Variants in ANAPC16 observed in about 807,000 individuals in gnomAD.
The protein encoded by ANAPC16 is anaphase promoting complex subunit 16, also known as anaphase-promoting complex subunit 16.
ANAPC16 carries 6 observed loss-of-function variants against 13.1 expected under a neutral mutation model. The observed-to-expected ratio is 0.46, with a 90% CI of 0.25 to 0.90. The LOEUF (loss-of-function observed/expected upper bound fraction) is 0.90, where lower values mean the gene tolerates loss of function less well. Among genes scored for constraint, ANAPC16 ranks in the 40% least tolerant of loss-of-function variants. The pLI is 0.18. For missense variants in ANAPC16, 113 were observed against 131.1 expected (o/e 0.86, Z 0.67); for synonymous variants, 55 against 51.3 (o/e 1.07, Z -0.31).
At chr10:72,221,344 C>A (rs1304566121) in intron 1 of ANAPC16, among the ~76,000 whole-genome samples, 1 of 151,998 alleles carries the variant, frequency 6.6e-6, no homozygotes, top group African/African-American at 2.4e-5. Context: ...TTATCCATTA[C>A]AACAGCCAAT....
At chr10:72,216,894 G>T (rs1033664202) in intron 1 of ANAPC16, 4 of 456,114 alleles carry the variant, frequency 8.8e-6, no homozygotes, top group South Asian at 3.1e-5. Flanking sequence ...ACCTCCGGTG[G>T]GCCTGGCAAA....
chr10:72,218,034 A>C (rs890630116), intron 1 of ANAPC16, among the ~76,000 whole-genome samples: 1 of 150,926 alleles, frequency 6.6e-6, no homozygotes, highest in African/African-American at 2.4e-5. Flanking sequence ...CCCATTTTGC[A>C]GATAAGACAA....
At chr10:72,217,456 CAG>C (rs1311241213) in intron 1 of ANAPC16, among the ~76,000 whole-genome samples, 4 of 141,492 alleles carry the variant, frequency 2.8e-5, no homozygotes, top group African/African-American at 1.1e-4. Flanking sequence ...GCCTGGGTGA[CAG>C]CGAGAATCCG....
In ANAPC16 at chr10:72,218,160, AAAAAAATATATATATATATATATAT is replaced by A. The variant is rs1272751446; in HGVS notation, c.-28+2024_-28+2048del. On this transcript the variant is annotated intron_variant, in intron 1 of 3. Transcript: ENST00000299381. ...AACTCTGTCTCAAAAAAAAAAAAAA[AAAAAAATATATATATATATATATAT>A]ATATATATATATATATATATATATA... Among the ~76,000 whole-genome samples the A allele has an allele frequency of 9.4e-4, 37 of 39,164 alleles. 2 individuals carry two copies. The highest frequency in any genetic ancestry group is 1.2e-3 in the Non-Finnish European group (26 of 22,322). 25.7% of individuals were successfully genotyped at this position (39,164 alleles called of 152,430 possible).
At chr10:72,216,960 C>G (rs1859462710) in intron 1 of ANAPC16, 1 of 455,984 alleles carries the variant, frequency 2.2e-6, no homozygotes, top group Non-Finnish European at 4.4e-6. Context: ...GAAAAAAATC[C>G]ATAATGATCC....
At chr10:72,219,914 C>A (rs1485936447) in intron 1 of ANAPC16, 1 of 152,124 alleles carries the variant, frequency 6.6e-6, no homozygotes, top group Non-Finnish European at 1.5e-5. Flanking sequence ...ATCTTCATCA[C>A]AAAATTAAGC....
chr10:72,232,666 C>T (rs761425492), intron 3 of ANAPC16, among the ~76,000 whole-genome samples: 13 of 149,534 alleles, frequency 8.7e-5, no homozygotes, highest in Non-Finnish European at 1.9e-4. Context: ...TGCAGTGGCA[C>T]GATCTCGGCT....
chr10:72,226,396 A>C (rs1189532157), intron 2 of ANAPC16, among the ~76,000 whole-genome samples: 2 of 152,080 alleles, frequency 1.3e-5, no homozygotes, highest in Non-Finnish European at 2.9e-5. Context: ...ACTATAGGCC[A>C]GGCATAGTGA....
chr10:72,233,060 G>A lies in ANAPC16; in HGVS notation c.277G>A (p.Glu93Lys), dbSNP rs373225911. Reference protein sequence around the residue: ...AGLVEELEADEWRFKPIEQLL... With the variant: ...AGLVEELEADKWRFKPIEQLL... ...TTTGGTAGAAGAGCTGGAGGCTGACGAGTGGCGGTTTAAGCCCATCGAGCA... is the reference window on the plus strand; with the variant it reads ...TTTGGTAGAAGAGCTGGAGGCTGACAAGTGGCGGTTTAAGCCCATCGAGCA... The change falls in exon 4 of 4, where the codon GAG (glutamate) becomes AAG (lysine). Residue 93 changes from glutamate (E) to lysine (K), a missense_variant. Transcript: ENST00000299381. 18 of 1,614,116 alleles carry A rather than the reference G, an allele frequency of 1.1e-5. No homozygotes were observed. Among genetic ancestry groups the A allele is most frequent in the Non-Finnish European group, 1.4e-5 (17 of 1,180,048 alleles).
intron 2 of ANAPC16, 104 bp from the exon 3 acceptor site, chr10:72,230,262 C>T (rs968305580): frequency 2.5e-6 from 2 of 808,632 alleles, no homozygotes; most frequent in Middle Eastern, 3.3e-4. Context: ...GAGAACTAGA[C>T]CCTGAATGTA....
Position 72,235,616 on chromosome 10 carries a change from A to G in ANAPC16, c.*2500A>G, listed in dbSNP as rs1469911726. 6.6e-6 allele frequency: 1 copy of G among 152,222 alleles called. No homozygotes were observed. The allele number at this position is 152,222 out of a possible 1,614,324, so 9.4% of individuals were successfully genotyped here. ...AGCATCAACCATCTTGATAATCACC[A>G]AGGGAAAAATTAAAAATACCTAGAC... is the stretch of plus-strand genomic sequence containing the variant. On this transcript the variant is annotated 3_prime_UTR_variant, in exon 4 of 4. Transcript: ENST00000299381.
chr10:72,229,312 A>T (rs919253554), intron 2 of ANAPC16, among the ~76,000 whole-genome samples: 1 of 139,402 alleles, frequency 7.2e-6, no homozygotes, highest in Non-Finnish European at 1.5e-5. Context: ...TGGATACAGT[A>T]TCTATAGTTG....
intron 1 of ANAPC16, among the ~76,000 whole-genome samples, chr10:72,219,898 C>T (rs1040960382): frequency 6.6e-6 from 1 of 152,142 alleles, no homozygotes; most frequent in African/African-American, 2.4e-5. Flanking sequence ...TCTCTAACAG[C>T]CTTAAATCTT....
At chr10:72,216,310 A>T (rs1345913697) in intron 1 of ANAPC16, 172 bp downstream of exon 1, 2 of 160,544 alleles carry the variant, frequency 1.2e-5, no homozygotes, top group Non-Finnish European at 2.8e-5. Flanking sequence ...CCGAGTGCGC[A>T]TGCGGGCCGA....
chr10:72,228,611 G>C (rs1860198354), intron 2 of ANAPC16, among the ~76,000 whole-genome samples: 1 of 152,160 alleles, frequency 6.6e-6, no homozygotes, highest in Admixed American at 6.6e-5. Context: ...AAATGGAAGA[G>C]ATTGCCCCCA....
intron 3 of ANAPC16, among the ~76,000 whole-genome samples, chr10:72,231,567 T>C (rs988468519): frequency 6.6e-6 from 1 of 152,130 alleles, no homozygotes; most frequent in African/African-American, 2.4e-5. Context: ...AAATGACTTT[T>C]ATTTTTTGAG....
At chr10:72,225,800 C>T (rs1236630598) in intron 2 of ANAPC16, among the ~76,000 whole-genome samples, 1 of 151,326 alleles carries the variant, frequency 6.6e-6, no homozygotes, top group Non-Finnish European at 1.5e-5. Context: ...ACTCAGGAGG[C>T]TGAGGCAGGA....
intron 2 of ANAPC16, among the ~76,000 whole-genome samples, chr10:72,227,397 T>G (rs1264655193): frequency 1.3e-5 from 2 of 152,212 alleles, no homozygotes; most frequent in African/African-American, 4.8e-5. Flanking sequence ...ACATTTATAT[T>G]AAGTATAAAT....
intron 1 of ANAPC16, among the ~76,000 whole-genome samples, chr10:72,222,214 T>C (rs1859963031): frequency 7.0e-6 from 1 of 143,714 alleles, no homozygotes; most frequent in African/African-American, 2.6e-5. Context: ...GGTCAAGAGA[T>C]GGAGACCATC....
Sources: allele counts gnomAD v4.1 joint callset (sites outside exome capture counted in the v4.1 genomes callset), GRCh38; gene constraint gnomAD v4.1.1; transcripts MANE v1.5; gene names NCBI Gene and HGNC (gene_info 2026-07-23, HGNC 2026-07-21).